The following CNTNAP5 variants were observed in gnomAD, a reference collection of about 807,000 sequenced individuals.
The protein encoded by CNTNAP5 is contactin-associated protein-like 5.
Under a neutral mutation model 150.2 loss-of-function variants are expected in CNTNAP5, and 72 were observed. The ratio of observed to expected loss-of-function variants is 0.48; its 90% CI spans 0.40 to 0.58. CNTNAP5 has a LOEUF of 0.58. Ranked by LOEUF, CNTNAP5 falls within the 20% of genes least tolerant of loss-of-function variation. The probability of loss-of-function intolerance (pLI) is 0.00; values close to 1 mark genes in which losing one functional copy is unlikely to be tolerated. For missense variants in CNTNAP5, 1,636 were observed against 1,626.2 expected, an observed-to-expected ratio of 1.01 and a Z score of -0.10; for synonymous variants, 672 against 619.8, an observed-to-expected ratio of 1.08 and a Z score of -1.25.
At chr2:124,062,655 C>T (rs1682043419) in intron 1 of CNTNAP5, among the ~76,000 whole-genome samples, 1 of 152,084 alleles carries the variant, frequency 6.6e-6, no homozygotes, top group Non-Finnish European at 1.5e-5. Flanking sequence ...ACTCTTATGA[C>T]AGGTGTCATA....
intron 11 of CNTNAP5, among the ~76,000 whole-genome samples, chr2:124,589,478 C>A (rs1696631110): frequency 6.6e-6 from 1 of 152,138 alleles, no homozygotes; most frequent in Non-Finnish European, 1.5e-5. Flanking sequence ...GAATAATGGA[C>A]ATGCATATGT....
At chr2:124,568,136 G>A (rs1356747784) in intron 11 of CNTNAP5, among the ~76,000 whole-genome samples, 4 of 152,194 alleles carry the variant, frequency 2.6e-5, no homozygotes, top group African/African-American at 9.7e-5. Flanking sequence ...CAAACTTGGT[G>A]ATGGGACATT....
intron 1 of CNTNAP5, among the ~76,000 whole-genome samples, chr2:124,206,042 C>T (rs4324325): frequency 9.9e-5 from 15 of 152,102 alleles, no homozygotes; most frequent in Non-Finnish European, 1.9e-4. Flanking sequence ...GTAGAAATCA[C>T]TTGTATTTGT....
intron 13 of CNTNAP5, among the ~76,000 whole-genome samples, chr2:124,667,924 G>A (rs1027291654): frequency 5.3e-5 from 8 of 152,226 alleles, no homozygotes; most frequent in African/African-American, 1.7e-4. Context: ...CAGTCCTTGG[G>A]AGAAACGACC....
At chr2:124,701,216 G>A (rs146220654) in intron 13 of CNTNAP5, among the ~76,000 whole-genome samples, 266 of 152,004 alleles carry the variant, frequency 1.7e-3, no homozygotes, top group African/African-American at 6.0e-3. Flanking sequence ...TGTTGTTCTC[G>A]ATCTCTGTAT....
At chr2:124,227,633 C>A in intron 2 of CNTNAP5, among the ~76,000 whole-genome samples, 1 of 122,100 alleles carries the variant, frequency 8.2e-6, no homozygotes, top group East Asian at 2.2e-4. Context: ...CTCAGCACAT[C>A]GTGTGTATGT....
In CNTNAP5 at chr2:124,434,674, A is replaced by C; in HGVS notation, c.720A>C (p.Leu240=). ...AACTCCAGAAGGGGAGGCTCGCCCTACACCTCAATTTGGGTAGGCTCAGAC... is the reference window on the plus strand; with the variant it reads ...AACTCCAGAAGGGGAGGCTCGCCCTCCACCTCAATTTGGGTAGGCTCAGAC... The part of the protein sequence containing the change: ...TLELQKGRLA[L]HLNLGDSKAR... The change falls in exon 5 of 24, where the codon CTA becomes CTC. Residue 240 remains leucine (L), a synonymous_variant. Coordinates refer to ENST00000682447, the MANE Select transcript of CNTNAP5 (RefSeq NM_001367498.1). 1 of 1,611,440 alleles carries C rather than the reference A, an allele frequency of 6.2e-7. No individual in the cohort carries two copies. Among genetic ancestry groups the C allele is most frequent in the South Asian group, 1.1e-5 (1 of 90,772 alleles).
chr2:124,153,108 C>G (rs915350569), intron 1 of CNTNAP5, among the ~76,000 whole-genome samples: 1 of 152,164 alleles, frequency 6.6e-6, no homozygotes, highest in African/African-American at 2.4e-5. Context: ...CTTAACCCTT[C>G]ATAGCATAAT....
chr2:124,034,780 C>A (rs1236910522), intron 1 of CNTNAP5, among the ~76,000 whole-genome samples: 1 of 152,108 alleles, frequency 6.6e-6, no homozygotes, highest in Non-Finnish European at 1.5e-5. Context: ...TGACAATGTT[C>A]TCAGCTCCCT....
At chr2:124,145,948 T>C (rs1179244932) in intron 1 of CNTNAP5, among the ~76,000 whole-genome samples, 2 of 151,548 alleles carry the variant, frequency 1.3e-5, no homozygotes, top group African/African-American at 4.9e-5. Context: ...CTAATGAAAA[T>C]TTCCATTGCT....
chr2:124,030,594 C>T (rs1681019631), intron 1 of CNTNAP5, among the ~76,000 whole-genome samples: 1 of 151,844 alleles, frequency 6.6e-6, no homozygotes, highest in Non-Finnish European at 1.5e-5. Context: ...GTAGCTCTAC[C>T]CATGGCAAAG....
chr2:124,728,615 T>C (rs1680208324), intron 13 of CNTNAP5, among the ~76,000 whole-genome samples: 1 of 152,050 alleles, frequency 6.6e-6, no homozygotes, highest in Non-Finnish European at 1.5e-5. Context: ...TTTAATGTAA[T>C]ACATATACAT....
chr2:124,234,919 C>T (rs1232729427), intron 2 of CNTNAP5, among the ~76,000 whole-genome samples: 3 of 152,148 alleles, frequency 2.0e-5, no homozygotes, highest in Non-Finnish European at 2.9e-5. Flanking sequence ...AGAGGCTGTT[C>T]GTGCTCATAT....
At chr2:124,293,544 G>C (rs1462687461) in intron 3 of CNTNAP5, among the ~76,000 whole-genome samples, 1 of 152,088 alleles carries the variant, frequency 6.6e-6, no homozygotes, top group Admixed American at 6.5e-5. Flanking sequence ...GTAACATAAT[G>C]TTCAGCAAAT....
intron 8 of CNTNAP5, among the ~76,000 whole-genome samples, chr2:124,510,485 A>G (rs1190773788): frequency 5.0e-4 from 11 of 22,200 alleles, no homozygotes; most frequent in African/African-American, 1.3e-3. Context: ...GTGTATATAT[A>G]TATATATATA....
At chr2:124,892,504 G>GTA (rs1678214112) in intron 21 of CNTNAP5, among the ~76,000 whole-genome samples, 1 of 152,098 alleles carries the variant, frequency 6.6e-6, no homozygotes, top group African/African-American at 2.4e-5. Flanking sequence ...AAACAAGAAA[G>GTA]TATAACATGA....
At chr2:124,784,581 A>G (rs756364739) in intron 17 of CNTNAP5, among the ~76,000 whole-genome samples, 1 of 152,230 alleles carries the variant, frequency 6.6e-6, no homozygotes, top group African/African-American at 2.4e-5. Flanking sequence ...AAGTTGTCAA[A>G]AAGACTGATA....
At chr2:124,603,355 A>C (rs1019449549) in intron 11 of CNTNAP5, among the ~76,000 whole-genome samples, 4 of 152,142 alleles carry the variant, frequency 2.6e-5, no homozygotes, top group Non-Finnish European at 5.9e-5. Flanking sequence ...AGATGGTGTT[A>C]CATATGTCTT....
intron 11 of CNTNAP5, among the ~76,000 whole-genome samples, chr2:124,590,436 C>G (rs1177471911): frequency 6.6e-6 from 1 of 152,134 alleles, no homozygotes; most frequent in Non-Finnish European, 1.5e-5. Context: ...AATTTAATCC[C>G]CAGACACATT....
Sources: allele counts gnomAD v4.1 joint callset (sites outside exome capture counted in the v4.1 genomes callset), GRCh38; gene constraint gnomAD v4.1.1; transcripts MANE v1.5; gene names NCBI Gene and HGNC (gene_info 2026-07-23, HGNC 2026-07-21).